Variants in SH2B2 observed in about 807,000 individuals in gnomAD.
SH2B2 encodes SH2B adaptor protein 2, also known as SH2B adapter protein 2.
Under a neutral mutation model 35.7 loss-of-function variants are expected in SH2B2, and 37 were observed. That is an observed-to-expected ratio of 1.04 (90% CI 0.80 to 1.36). SH2B2 has a LOEUF of 1.36. Among genes scored for constraint, SH2B2 ranks in the 40% most tolerant of loss-of-function variants. The pLI, the probability that SH2B2 is intolerant of heterozygous loss-of-function variation, is 0.00. For synonymous variants in SH2B2, 383 were observed against 376.4 expected (o/e 1.02, Z -0.20); for missense variants, 852 against 817.7 (o/e 1.04, Z -0.51).
rs1347832682 is a variant in SH2B2 at position 102,314,578 on chromosome 7, G to A, written c.1082G>A (p.Arg361Gln). 8.3e-5 allele frequency: 33 copies of A among 398,458 alleles called. No homozygotes were observed. The highest frequency in any genetic ancestry group is 1.3e-4 in the Admixed American group (3 of 22,690). The allele number at this position is 398,458 out of a possible 1,614,324, so 24.7% of individuals were successfully genotyped here. A position where few individuals can be genotyped will look rare whatever the true frequency, so the allele number is the denominator to read the frequency against. The change falls in exon 6 of 9, where the codon CGA (arginine) becomes CAA (glutamine). Residue 361 changes from arginine to glutamine, a missense_variant. Arg to Gln is a conservative substitution (Grantham distance 43). Transcript: ENST00000444095. ...GCAGTGGTGACAGCCCCCCACAGCC[G>A]AGGTCGAGATGCCGTCAGAGAATCC... ...VGAVVTAPHS[R>Q]GRDAVRESLI...
chr7:102,300,323 C>T (rs1374007244), intron 1 of SH2B2, among the ~76,000 whole-genome samples, 199 bp from the exon 2 acceptor site: 1 of 152,172 alleles, frequency 6.6e-6, no homozygotes, highest in Non-Finnish European at 1.5e-5. Flanking sequence ...GGCCACCGCG[C>T]CCGGCCCCAG....
At position 102,301,152 on chromosome 7, in the gene SH2B2, G is replaced by T; in HGVS notation, c.602G>T (p.Arg201Leu). 2 of 1,559,594 alleles carry T rather than the reference G, an allele frequency of 1.3e-6. No homozygotes were observed. Among genetic ancestry groups the T allele is most frequent in the East Asian group, 2.4e-5 (1 of 41,000 alleles). Residue 201 changes from arginine to leucine, a missense_variant, in exon 2 of 9, where the codon CGC (arginine) becomes CTC (leucine). Physicochemically the swap from Arg to Leu is moderately radical, Grantham distance 102. Transcript: ENST00000444095. ...GACATTCAACGCGAGGGGGCGCTGC[G>T]CTTCATGGTGGCCGACGACGCGGCC... is the stretch of plus-strand genomic sequence containing the variant. ...LVDIQREGAL[R>L]FMVADDAAAG...
upstream of SH2B2, among the ~76,000 whole-genome samples, chr7:102,286,337 A>C (rs1490271293): frequency 6.6e-6 from 1 of 152,056 alleles, no homozygotes; most frequent in Non-Finnish European, 1.5e-5. Flanking sequence ...CTCCGTTGCG[A>C]CATCCAGGCC....
In SH2B2 at chr7:102,321,565, G is replaced by A. The variant is rs1554558647; in HGVS notation, c.1834G>A (p.Glu612Lys). 1.7e-6 allele frequency: 2 copies of A among 1,156,956 alleles called. No homozygotes were observed. Among genetic ancestry groups the A allele is most frequent in the Non-Finnish European group, 1.1e-6 (1 of 941,388 alleles). The allele number at this position is 1,156,956 out of a possible 1,614,324, so 71.7% of individuals were successfully genotyped here. A position where few individuals can be genotyped will look rare whatever the true frequency, so the allele number is the denominator to read the frequency against. Residue 612 changes from glutamate to lysine, a missense_variant, in exon 9 of 9, where the codon GAG (glutamate) becomes AAG (lysine). Coordinates refer to ENST00000444095, the MANE Select transcript of SH2B2 (RefSeq NM_001359228.2). ...LLEAVAATAA[E>K]EPPEAAPGRA... is the part of the protein sequence containing the mutation. Reference sequence around the variant, plus strand: ...GGAGGCCGTGGCCGCCACCGCCGCCGAGGAGCCCCCGGAGGCCGCGCCCGG... The same window carrying A: ...GGAGGCCGTGGCCGCCACCGCCGCCAAGGAGCCCCCGGAGGCCGCGCCCGG...
intron 2 of SH2B2, among the ~76,000 whole-genome samples, chr7:102,305,094 G>A (rs1307283690): frequency 4.6e-5 from 7 of 152,096 alleles, no homozygotes; most frequent in Admixed American, 2.0e-4. Flanking sequence ...TGCCCGCAGC[G>A]TTGTTGGGAA....
intron 1 of SH2B2, among the ~76,000 whole-genome samples, chr7:102,300,237 C>A (rs1246344131): frequency 6.6e-6 from 1 of 152,206 alleles, no homozygotes; most frequent in Non-Finnish European, 1.5e-5. Context: ...ACCATGTTGA[C>A]CAGGCTGATC....
intron 1 of SH2B2, among the ~76,000 whole-genome samples, chr7:102,290,553 C>T (rs1792637917): frequency 6.6e-6 from 1 of 152,204 alleles, no homozygotes; most frequent in Non-Finnish European, 1.5e-5. Context: ...GTGTGAGCCA[C>T]TGCACCCGGC....
chr7:102,312,293 T>G (rs1793657707), intron 4 of SH2B2, among the ~76,000 whole-genome samples: 1 of 152,218 alleles, frequency 6.6e-6, no homozygotes, highest in Non-Finnish European at 1.5e-5. Flanking sequence ...GAGAATCACT[T>G]GAACCTGGGA....
chr7:102,321,372 C>T lies in SH2B2; in HGVS notation c.1641C>T (p.Phe547=), dbSNP rs201516806. 0.019 allele frequency: 27,428 copies of T among 1,409,770 alleles called. 306 individuals carry two copies. The highest frequency in any genetic ancestry group is 0.023 in the Admixed American group (759 of 33,420). The allele number at this position is 1,409,770 out of a possible 1,614,324, so 87.3% of individuals were successfully genotyped here. A position where few individuals can be genotyped will look rare whatever the true frequency, so the allele number is the denominator to read the frequency against. The change falls in exon 9 of 9, where the codon TTC becomes TTT. Residue 547 remains phenylalanine (F), a synonymous_variant. Coordinates refer to ENST00000444095, the MANE Select transcript of SH2B2 (RefSeq NM_001359228.2). ...CWSDSPGQHY[F]SSLAAAACPP... ...GCGACTCGCCCGGCCAGCACTACTTCTCCAGCCTCGCCGCGGCCGCCTGCC... is the reference window on the plus strand; with the variant it reads ...GCGACTCGCCCGGCCAGCACTACTTTTCCAGCCTCGCCGCGGCCGCCTGCC...
At chr7:102,285,263 G>A, upstream of SH2B2, 1 of 1,548,230 alleles carries the variant, frequency 6.5e-7, no homozygotes, top group Non-Finnish European at 8.7e-7. Flanking sequence ...AACCAGGTTA[G>A]TCCACCGCGG....
chr7:102,319,876 C>T (rs781783063), intron 7 of SH2B2, among the ~76,000 whole-genome samples: 4 of 151,714 alleles, frequency 2.6e-5, no homozygotes, highest in Non-Finnish European at 4.4e-5. Context: ...TTCCATGCCT[C>T]CGGGTTTTGG....
rs980581746 is a variant in SH2B2, at chr7:102,313,062, C to T, written c.924-1274C>T. Among the ~76,000 whole-genome samples the T allele has an allele frequency of 4.0e-5, 6 of 148,222 alleles. No homozygotes were observed. In the South Asian group the frequency reaches 6.4e-4, roughly 16 times the overall value. On this transcript the variant is annotated intron_variant, in intron 4 of 8. Transcript: ENST00000444095. ...GAGAATTGCTTGAACCCCCGGGAGGCAGAGGTTGCAGTGAGCCAGGATTGC... is the reference window on the plus strand; with the variant it reads ...GAGAATTGCTTGAACCCCCGGGAGGTAGAGGTTGCAGTGAGCCAGGATTGC...
At chr7:102,315,728 A>T (rs1793800160) in intron 6 of SH2B2, among the ~76,000 whole-genome samples, 1 of 130,886 alleles carries the variant, frequency 7.6e-6, no homozygotes, top group African/African-American at 2.9e-5. Flanking sequence ...AGCAACAGAG[A>T]GAGACCCTGT....
chr7:102,321,623 T>A lies in SH2B2; in HGVS notation c.1892T>A (p.Phe631Tyr). Residue 631 changes from phenylalanine to tyrosine, a missense_variant, in exon 9 of 9, where the codon TTC becomes TAC. Physicochemically the swap from Phe to Tyr is conservative, Grantham distance 22 (BLOSUM62 3). Transcript: ENST00000444095. The stretch of plus-strand genomic sequence containing the variant: ...CGCGCCGTGGAGAACCAGTACTCCT[T>A]CTACTAGCCCGCGGCGCCGCCCGGG... ...RARAVENQYS[F>Y]Y The A allele has an allele frequency of 8.7e-7, 1 of 1,146,648 alleles. No individual in the cohort carries two copies. The highest frequency in any genetic ancestry group is 1.1e-6 in the Non-Finnish European group (1 of 932,214). 71.0% of individuals were successfully genotyped at this position (1,146,648 alleles called of 1,614,324 possible).
intron 1 of SH2B2, among the ~76,000 whole-genome samples, chr7:102,296,458 C>A (rs782596145): frequency 6.6e-6 from 1 of 152,182 alleles, no homozygotes; most frequent in Non-Finnish European, 1.5e-5. Context: ...GACAGGGACT[C>A]CCCAGGCACT....
At chr7:102,296,981 AAAAAAAC>A (rs1273358394) in intron 1 of SH2B2, among the ~76,000 whole-genome samples, 1 of 152,146 alleles carries the variant, frequency 6.6e-6, no homozygotes, top group Non-Finnish European at 1.5e-5. Flanking sequence ...TCTGTCTCAA[AAAAAAAC>A]AAAAAACAAA....
intron 2 of SH2B2, among the ~76,000 whole-genome samples, chr7:102,303,289 G>A (rs144238131): frequency 1.3e-5 from 2 of 152,236 alleles, no homozygotes; most frequent in African/African-American, 2.4e-5. Context: ...GAACATGGAA[G>A]TGGAGGTCCT....
intron 1 of SH2B2, among the ~76,000 whole-genome samples, chr7:102,294,229 T>C (rs1461363131): frequency 6.6e-6 from 1 of 152,152 alleles, no homozygotes; most frequent in Non-Finnish European, 1.5e-5. Flanking sequence ...GGTTTCACCA[T>C]GTTGCCCAGG....
intron 4 of SH2B2, among the ~76,000 whole-genome samples, chr7:102,310,579 G>A (rs1287139779): frequency 1.3e-5 from 2 of 152,176 alleles, no homozygotes; most frequent in African/African-American, 2.4e-5. Context: ...TAGGCAGCCC[G>A]ACAGGCTGAG....
Sources: allele counts gnomAD v4.1 joint callset (sites outside exome capture counted in the v4.1 genomes callset), GRCh38; gene constraint gnomAD v4.1.1; transcripts MANE v1.5; gene names NCBI Gene and HGNC (gene_info 2026-07-23, HGNC 2026-07-21).